The following TFB1M variants were observed in gnomAD, a reference collection of about 807,000 sequenced individuals.
TFB1M encodes transcription factor B1, mitochondrial.
TFB1M carries 27 observed loss-of-function variants against 31.1 expected under a neutral mutation model. The observed-to-expected ratio is 0.87, with a 90% CI of 0.64 to 1.20. TFB1M has a LOEUF of 1.20. TFB1M is among the 50% of genes most tolerant of loss of function. The pLI is 0.00. For synonymous variants in TFB1M, 166 were observed against 151.8 expected (o/e 1.09, Z -0.69); for missense variants, 394 against 418.7 (o/e 0.94, Z 0.51).
At chr6:155,235,669 C>T in the TFB1M span, among the ~76,000 whole-genome samples, 1 of 152,240 alleles carries the variant, frequency 6.6e-6, no homozygotes, top group African/African-American at 2.4e-5. Context: ...CTCCCTTAGA[C>T]AACAGCTAAA....
the TFB1M span, chr6:155,240,561 G>A: frequency 1.9e-6 from 3 of 1,613,968 alleles, no homozygotes; most frequent in African/African-American, 4.0e-5. Context: ...CTGTGCAGGA[G>A]TTTTAACGAC....
chr6:155,234,621 T>C, the TFB1M span, among the ~76,000 whole-genome samples: 1 of 152,202 alleles, frequency 6.6e-6, no homozygotes, highest in Admixed American at 6.5e-5. Context: ...TTCAGGCTGG[T>C]CTTGAACTCC....
chr6:155,259,506 C>T (rs982927645), intron 6 of TFB1M, among the ~76,000 whole-genome samples: 1 of 152,242 alleles, frequency 6.6e-6, no homozygotes, highest in South Asian at 2.1e-4. Context: ...GCTAAAGGGA[C>T]ACTTCGGACC....
the TFB1M span, chr6:155,244,564 A>C: frequency 6.9e-7 from 1 of 1,442,590 alleles, no homozygotes; most frequent in Non-Finnish European, 9.4e-7. Context: ...TCCGTGAAGA[A>C]TTTCCTTGTG....
In TFB1M at chr6:155,297,703, G is replaced by T. The variant is rs137997541; in HGVS notation, c.395-599C>A. Among the ~76,000 whole-genome samples the T allele has an allele frequency of 9.1e-3, 1,386 of 152,314 alleles. 28 individuals carry two copies. The highest frequency in any genetic ancestry group is 0.032 in the African/African-American group (1,322 of 41,562). ...GGTATCAGGGAGAAAAAGAGCAAGA[G>T]AAATCCTCCGGAAGACTATGGATTA... is the stretch of plus-strand genomic sequence containing the variant. On this transcript the variant is annotated intron_variant, in intron 3 of 6. Transcript: ENST00000367166.
At chr6:155,250,991 G>C in the TFB1M span, 2 of 1,614,162 alleles carry the variant, frequency 1.2e-6, no homozygotes, top group South Asian at 2.2e-5. Context: ...TCTAGGAAAA[G>C]CTAGAAAGGA....
At chr6:155,276,174 T>G (rs1485405144) in intron 5 of TFB1M, 4 of 1,613,820 alleles carry the variant, frequency 2.5e-6, no homozygotes, top group Non-Finnish European at 3.4e-6. Context: ...GATCTGACAG[T>G]TCCAGAAAGC....
chr6:155,297,454 A>T (rs574805938), intron 3 of TFB1M, among the ~76,000 whole-genome samples: 17 of 152,342 alleles, frequency 1.1e-4, no homozygotes, highest in African/African-American at 4.1e-4. Context: ...TGAAGCTGTC[A>T]GAGGTCAGAT....
rs1473500913 is a variant in TFB1M at position 155,258,077 on chromosome 6, A to G, written c.800T>C (p.Leu267Ser). 6 of 1,614,210 alleles carry G rather than the reference A, an allele frequency of 3.7e-6. No homozygotes were observed. Among genetic ancestry groups the G allele is most frequent in the Non-Finnish European group, 5.1e-6 (6 of 1,180,040 alleles). ...RKYCHRGLRM[L>S]FPEAQRLEST... ...TTCCAAGCGCTGCGCTTCAGGGAAT[A>G]ACATTCTGAGGGGAAGACAGACAGA... The change falls in exon 7 of 7, where the codon TTA (leucine) becomes TCA (serine). Residue 267 changes from leucine to serine, a missense_variant. Physicochemically the swap from Leu to Ser is moderately radical, Grantham distance 145 (BLOSUM62 -2). Transcript: ENST00000367166.
At position 155,311,208 on chromosome 6, in the gene TFB1M, G is replaced by T; in HGVS notation, c.265C>A (p.Arg89=). 2 of 1,614,048 alleles carry T rather than the reference G, an allele frequency of 1.2e-6. No homozygotes were observed. The highest frequency in any genetic ancestry group is 1.7e-6 in the Non-Finnish European group (2 of 1,179,952). ...AELLVVEKDT[R]FIPGLQMLSD... ...CTCACCTGTAATCCAGGAATAAATC[G>T]AGTGTCCTTTTCAACCACCAGAAGT... The change falls in exon 2 of 7, where the codon CGA becomes AGA. Residue 89 remains arginine, a synonymous_variant. Transcript: ENST00000367166.
At chr6:155,290,406 A>G (rs73008686) in intron 4 of TFB1M, among the ~76,000 whole-genome samples, 34 of 114,942 alleles carry the variant, frequency 3.0e-4, no homozygotes, top group Admixed American at 6.3e-4. Context: ...AAAAAAAAAA[A>G]AAAAGAAAAG....
the TFB1M span, among the ~76,000 whole-genome samples, chr6:155,229,963 G>T: frequency 1.3e-5 from 2 of 151,972 alleles, no homozygotes; most frequent in African/African-American, 4.8e-5. Flanking sequence ...CCACCCCCAT[G>T]ATTCAATTAC....
intron 5 of TFB1M, chr6:155,260,770 C>T (rs912723): frequency 0.65 from 221,035 of 340,826 alleles, 73,346 homozygotes; most frequent in East Asian, 0.98. Context: ...AAAAATAAGC[C>T]GCAGCAGCAG....
chr6:155,300,968 C>G (rs1224126285), intron 2 of TFB1M, among the ~76,000 whole-genome samples: 1 of 151,978 alleles, frequency 6.6e-6, no homozygotes, highest in Non-Finnish European at 1.5e-5. Context: ...CCACACCTGG[C>G]TAATTTTTGT....
At chr6:155,267,548 T>C (rs1547245) in intron 5 of TFB1M, among the ~76,000 whole-genome samples, 44,698 of 152,054 alleles carry the variant, frequency 0.29, 7,311 homozygotes, top group East Asian at 0.66. Context: ...CAAGCTCTGA[T>C]TGGTGAGTGA....
chr6:155,245,755 G>GTTGT, the TFB1M span: 17 of 1,023,438 alleles, frequency 1.7e-5, no homozygotes, highest in Middle Eastern at 2.6e-4. Context: ...GCCTTTTATA[G>GTTGT]TTTTTTTTTT....
the TFB1M span, among the ~76,000 whole-genome samples, chr6:155,232,108 C>A: frequency 6.6e-6 from 1 of 150,666 alleles, no homozygotes; most frequent in Non-Finnish European, 1.5e-5. Context: ...CAAAAAAAAA[C>A]AAAAACTGGG....
At chr6:155,272,348 G>GAAATCTACAACAGACTTTA (rs1410182212) in intron 5 of TFB1M, among the ~76,000 whole-genome samples, 1 of 152,150 alleles carries the variant, frequency 6.6e-6, no homozygotes, top group Non-Finnish European at 1.5e-5. Flanking sequence ...ACATTTTAGT[G>GAAATCTACAACAGACTTTA]AAATCTACAA....
At chr6:155,231,958 G>A in the TFB1M span, among the ~76,000 whole-genome samples, 1 of 152,122 alleles carries the variant, frequency 6.6e-6, no homozygotes, top group Admixed American at 6.5e-5. Context: ...GCACGCACCT[G>A]TAATCCCAGC....
Sources: gnomAD v4.1 joint callset for allele counts (sites outside exome capture counted in the v4.1 genomes callset) on GRCh38, gnomAD v4.1.1 for gene constraint, MANE v1.5 for transcripts, NCBI Gene and HGNC (gene_info 2026-07-23, HGNC 2026-07-21) for gene names.